Variants in CR1L observed in about 807,000 individuals in gnomAD.
The protein encoded by CR1L is complement C3b/C4b receptor 1 like.
In CR1L, 59 loss-of-function variants were observed where a neutral mutation model predicts 62.3. That is an observed-to-expected ratio of 0.95 (90% CI 0.77 to 1.18). CR1L has a LOEUF of 1.18. Ranked by LOEUF, CR1L falls within the 50% of genes most tolerant of loss-of-function variation. The pLI, the probability that CR1L is intolerant of heterozygous loss-of-function variation, is 0.00. For missense variants in CR1L, 700 were observed against 702.8 expected (o/e 1.00, Z 0.04); for synonymous variants, 279 against 248.7 (o/e 1.12, Z -1.15).
intron 9 of CR1L, among the ~76,000 whole-genome samples, chr1:207,706,883 T>TC (rs1424519049): frequency 2.0e-5 from 3 of 152,130 alleles, no homozygotes; most frequent in African/African-American, 7.2e-5. Context: ...ACACAAAAAC[T>TC]GGCAATGTAA....
intron 1 of CR1L, chr1:207,669,292 C>G (rs1420582945): frequency 1.8e-6 from 1 of 563,500 alleles, no homozygotes; most frequent in African/African-American, 2.0e-5. Flanking sequence ...GAAGGGGAAG[C>G]TGGTCAAAAG....
rs778953547 is a variant in CR1L at position 207,678,270 on chromosome 1, C to G, written c.350C>G (p.Ser117Cys). Reference sequence around the variant, plus strand: ...GTGATCAAAGACATCCAGTTCAGATCCCAAATTAAATATTCTTGTCCTAAA... The same window carrying G: ...GTGATCAAAGACATCCAGTTCAGATGCCAAATTAAATATTCTTGTCCTAAA... ...AHVIKDIQFR[S>C]QIKYSCPKGY... The change falls in exon 3 of 12, where the codon TCC (serine) becomes TGC (cysteine). Residue 117 changes from serine to cysteine, a missense_variant. By Grantham distance (112) the Ser-to-Cys change is moderately radical. Transcript: ENST00000508064. 4.3e-6 allele frequency: 7 copies of G among 1,613,290 alleles called. No homozygotes were observed. The South Asian group carries it at 7.7e-5, about 18-fold the overall frequency.
At chr1:207,710,200 C>A (rs1571534375) in intron 10 of CR1L, among the ~76,000 whole-genome samples, 14 of 151,976 alleles carry the variant, frequency 9.2e-5, no homozygotes, top group Admixed American at 9.2e-4. Flanking sequence ...AAAAATAAAC[C>A]AGATACGGTG....
intron 3 of CR1L, among the ~76,000 whole-genome samples, chr1:207,680,307 A>G (rs1663775312): frequency 6.6e-6 from 1 of 152,246 alleles, no homozygotes; most frequent in Non-Finnish European, 1.5e-5. Flanking sequence ...TAAACTACAT[A>G]AAAGTAAATA....
chr1:207,714,301 G>T (rs1167854154), intron 10 of CR1L, among the ~76,000 whole-genome samples: 1 of 152,178 alleles, frequency 6.6e-6, no homozygotes, highest in Non-Finnish European at 1.5e-5. Flanking sequence ...ACCACTCAAA[G>T]GTGGGCACAA....
At chr1:207,685,210 T>C (rs1663881546) in intron 4 of CR1L, among the ~76,000 whole-genome samples, 1 of 152,348 alleles carries the variant, frequency 6.6e-6, no homozygotes, top group Admixed American at 6.5e-5. Flanking sequence ...ATCCAAATCC[T>C]GGTAAATGGC....
intron 1 of CR1L, among the ~76,000 whole-genome samples, chr1:207,674,573 A>G (rs1663660544): frequency 6.6e-6 from 1 of 152,296 alleles, no homozygotes; most frequent in East Asian, 1.9e-4. Flanking sequence ...ATACTACTAT[A>G]AAGGTAAGAA....
intron 10 of CR1L, among the ~76,000 whole-genome samples, chr1:207,711,886 G>A (rs7515009): frequency 0.045 from 6,739 of 148,654 alleles, 486 homozygotes; most frequent in African/African-American, 0.15. Context: ...ATGACAGAGT[G>A]AGATATCACC....
intron 10 of CR1L, among the ~76,000 whole-genome samples, chr1:207,715,046 A>C (rs1653959115): frequency 6.6e-6 from 1 of 152,138 alleles, no homozygotes; most frequent in Admixed American, 6.5e-5. Context: ...CTGGGCTATG[A>C]AGTTTATATG....
chr1:207,686,181 C>T (rs866434147), intron 4 of CR1L, among the ~76,000 whole-genome samples: 25 of 68,588 alleles, frequency 3.6e-4, no homozygotes, highest in South Asian at 9.7e-4. Flanking sequence ...CCTTCCTTCC[C>T]TCCTTCCCTC....
Position 207,712,517 on chromosome 1 carries a change from C to G in CR1L, c.1414+4254C>G, listed in dbSNP as rs569296180. On this transcript the variant is annotated intron_variant, in intron 10 of 11. Transcript: ENST00000508064. ...AACTAACAAGTACTCTGGAACTGTCCTTTCTACAATGTGTCAGCCGCCTCC... is the reference window on the plus strand; with the variant it reads ...AACTAACAAGTACTCTGGAACTGTCGTTTCTACAATGTGTCAGCCGCCTCC... Among the ~76,000 whole-genome samples, 4 of 152,278 alleles carry G rather than the reference C, an allele frequency of 2.6e-5. No individual in the cohort carries two copies. In the South Asian group the frequency reaches 8.3e-4, roughly 32 times the overall value.
chr1:207,654,519 G>C (rs1238162166), intron 1 of CR1L, among the ~76,000 whole-genome samples: 3 of 152,094 alleles, frequency 2.0e-5, no homozygotes, highest in Non-Finnish European at 4.4e-5. Flanking sequence ...AGAAGGAGGA[G>C]AGATTCCTGT....
chr1:207,722,754 T>A (rs1173142681), intron 11 of CR1L, among the ~76,000 whole-genome samples: 2 of 152,222 alleles, frequency 1.3e-5, no homozygotes, highest in Admixed American at 6.5e-5. Flanking sequence ...TATTGTAAAT[T>A]GGCAAAATCT....
intron 10 of CR1L, chr1:207,715,470 C>T (rs1653971866): frequency 2.2e-6 from 2 of 920,270 alleles, no homozygotes; most frequent in South Asian, 1.4e-5. Context: ...TGCACGGAAT[C>T]ACTTGTCTGG....
intron 1 of CR1L, among the ~76,000 whole-genome samples, chr1:207,661,979 T>C (rs1663431871): frequency 6.6e-6 from 1 of 152,234 alleles, no homozygotes; most frequent in African/African-American, 2.4e-5. Context: ...TGGCCCTCAC[T>C]CTCTTCTGGC....
chr1:207,717,923 A>G (rs1450876912), intron 11 of CR1L, among the ~76,000 whole-genome samples: 2 of 152,152 alleles, frequency 1.3e-5, no homozygotes, highest in African/African-American at 4.8e-5. Flanking sequence ...AGGAGAGAAG[A>G]GGGTGGACAG....
chr1:207,669,578 G>C, intron 1 of CR1L: 3 of 1,490,936 alleles, frequency 2.0e-6, no homozygotes, highest in South Asian at 1.2e-5. Context: ...GAAACGCTGG[G>C]GGGCGTGGGG....
At chr1:207,683,721 ATG>A (rs1313486982) in intron 3 of CR1L, 149 bp from the exon 4 acceptor site, 1 of 594,468 alleles carries the variant, frequency 1.7e-6, no homozygotes, top group African/African-American at 1.8e-5. Flanking sequence ...AGTCCCAAGA[ATG>A]TGAAATTTGG....
chr1:207,661,209 T>C (rs1010308577), intron 1 of CR1L, among the ~76,000 whole-genome samples: 9 of 152,200 alleles, frequency 5.9e-5, no homozygotes, highest in African/African-American at 2.2e-4. Flanking sequence ...TTGTTAACTT[T>C]CTGTCTCATT....
Sources: gnomAD v4.1 joint callset for allele counts (sites outside exome capture counted in the v4.1 genomes callset) on GRCh38, gnomAD v4.1.1 for gene constraint, MANE v1.5 for transcripts, NCBI Gene and HGNC (gene_info 2026-07-23, HGNC 2026-07-21) for gene names.